OSBPL3: variants seen among roughly 807,000 people sequenced by gnomAD.
OSBPL3 encodes oxysterol-binding protein-related protein 3.
Under a neutral mutation model 120.1 loss-of-function variants are expected in OSBPL3, and 65 were observed. The observed-to-expected ratio is 0.54, with a 90% CI of 0.44 to 0.67. The LOEUF (loss-of-function observed/expected upper bound fraction) is 0.67. Among genes scored for constraint, OSBPL3 ranks in the 30% least tolerant of loss-of-function variants. The pLI, the probability that OSBPL3 is intolerant of heterozygous loss-of-function variation, is 0.00. For synonymous variants in OSBPL3, 416 were observed against 402.6 expected, an observed-to-expected ratio of 1.03 and a Z score of -0.40; for missense variants, 1,004 against 1,082.1, an observed-to-expected ratio of 0.93 and a Z score of 1.01.
rs1342112869 is a variant in OSBPL3, at chr7:24,818,491, G to A, written c.1948+1684C>T. ...TATACTTCTGTAAATCTCACTATAT[G>A]AAACTGGCATAATATTATTTGATGA... is the stretch of plus-strand genomic sequence containing the variant. On this transcript the variant is annotated intron_variant, in intron 17 of 22. Transcript: ENST00000313367. The surrounding 1 kb of genome is among the most constrained non-coding windows in gnomAD (Gnocchi z 4.0). 2.0e-5 allele frequency among the ~76,000 whole-genome samples: 3 copies of A among 152,142 alleles called. No individual in the cohort carries two copies. The highest frequency in any genetic ancestry group is 6.5e-5 in the Admixed American group (1 of 15,274).
chr7:24,904,801 A>G (rs141), intron 1 of OSBPL3, among the ~76,000 whole-genome samples: 67,275 of 151,540 alleles, frequency 0.44, 15,431 homozygotes, highest in East Asian at 0.71. Flanking sequence ...TAAAATAATC[A>G]AATTCATAGA....
rs1814561770 is a variant in OSBPL3, at chr7:24,952,521, T to C, written c.-150+27365A>G. Among the ~76,000 whole-genome samples, 1 of 152,212 alleles carries C rather than the reference T, an allele frequency of 6.6e-6. No individual in the cohort carries two copies. The highest frequency in any genetic ancestry group is 2.4e-5 in the African/African-American group (1 of 41,452). On this transcript the variant is annotated intron_variant, in intron 1 of 22. Transcript: ENST00000313367. This position sits in a 1 kb window ranked among gnomAD's most constrained non-coding sequence, Gnocchi z 4.4. The stretch of plus-strand genomic sequence containing the variant: ...CCTTAAAGAATATCCTGAAATTGGA[T>C]GAAATTTTAGATGTTGCTCTATAAA...
chr7:24,914,531 C>CT (rs537194998), intron 1 of OSBPL3, among the ~76,000 whole-genome samples: 86 of 151,988 alleles, frequency 5.7e-4, no homozygotes, highest in Non-Finnish European at 1.0e-3. Flanking sequence ...TATTTTCTCC[C>CT]TTTTTTTTGT....
chr7:24,923,740 A>C (rs1810699133), intron 1 of OSBPL3, among the ~76,000 whole-genome samples: 4 of 152,206 alleles, frequency 2.6e-5, no homozygotes, highest in Admixed American at 2.6e-4. Context: ...GCAGTGGGGC[A>C]GGCGGGCGGC....
rs67222925 is a variant in OSBPL3, at chr7:24,904,918, GGTGTGTGTGTGTGTGTGTGT to G, written c.-149-12317_-149-12298del. ...TGAAGTGTTCTGATCATAATATACAGGTGTGTGTGTGTGTGTGTGTGTGTGTGTGTGTGTGTGTGTGTGAA... is the reference window on the plus strand; with the variant it reads ...TGAAGTGTTCTGATCATAATATACAGGTGTGTGTGTGTGTGTGTGTGTGAA... On this transcript the variant is annotated intron_variant, in intron 1 of 22. Transcript: ENST00000313367. Among the ~76,000 whole-genome samples the G allele has an allele frequency of 4.5e-5, 6 of 132,946 alleles. No individual in the cohort carries two copies. In the South Asian group the frequency reaches 8.5e-4, roughly 19 times the overall value. 87.2% of individuals were successfully genotyped at this position (132,946 alleles called of 152,430 possible). A position where few individuals can be genotyped will look rare whatever the true frequency, so the allele number is the denominator to read the frequency against.
At position 24,966,307 on chromosome 7, in the gene OSBPL3, T is replaced by C. The variant is rs1816372207; in HGVS notation, c.-150+13579A>G. ...ACCCCTAGCATCTGTCAGACAAAGG[T>C]GTCTTATCTGTGGGTCAGAAAAGGC... On this transcript the variant is annotated intron_variant, in intron 1 of 22. Coordinates refer to ENST00000313367, the MANE Select transcript of OSBPL3 (RefSeq NM_015550.4). This position sits in a 1 kb window ranked among gnomAD's most constrained non-coding sequence, Gnocchi z 4.8. Among the ~76,000 whole-genome samples, 2 of 152,164 alleles carry C rather than the reference T, an allele frequency of 1.3e-5. No individual in the cohort carries two copies. The highest frequency in any genetic ancestry group is 4.1e-4 in the South Asian group (2 of 4,832).
intron 1 of OSBPL3, among the ~76,000 whole-genome samples, chr7:24,969,385 T>C (rs965518253): frequency 2.6e-4 from 40 of 152,326 alleles, no homozygotes; most frequent in African/African-American, 9.6e-4. Flanking sequence ...AAGTAGGTCT[T>C]TGTGATATGC....
At position 24,822,862 on chromosome 7, in the gene OSBPL3, G is replaced by C. The variant is rs1364469277; in HGVS notation, c.1885-2624C>G. Among the ~76,000 whole-genome samples the C allele has an allele frequency of 2.0e-5, 3 of 152,160 alleles. No homozygotes were observed. The highest frequency in any genetic ancestry group is 4.4e-5 in the Non-Finnish European group (3 of 68,034). On this transcript the variant is annotated intron_variant, in intron 16 of 22. Transcript: ENST00000313367. The surrounding 1 kb of genome is among the most constrained non-coding windows in gnomAD (Gnocchi z 5.8). Reference sequence around the variant, plus strand: ...TTAGATAATGAATGAATGTTTAGCAGATTATGTTTAGATGGGTTCAACACA... The same window carrying C: ...TTAGATAATGAATGAATGTTTAGCACATTATGTTTAGATGGGTTCAACACA...
At chr7:24,961,496 G>A (rs542393995) in intron 1 of OSBPL3, among the ~76,000 whole-genome samples, 1 of 152,268 alleles carries the variant, frequency 6.6e-6, no homozygotes, top group South Asian at 2.1e-4. Flanking sequence ...GGTGATTTAA[G>A]AATGGAGCCC....
Position 24,849,372 on chromosome 7 carries a change from A to T in OSBPL3, c.1159-196T>A. ...TTCTGAGATGCCTGGGAGATGACAA[A>T]CCTGGGCTCTGGAAATGATGCTCTT... On this transcript the variant is annotated intron_variant, in intron 11 of 22. Transcript: ENST00000313367. This position sits in a 1 kb window ranked among gnomAD's most constrained non-coding sequence, Gnocchi z 5.4. The T allele has an allele frequency of 4.9e-6, 2 of 405,594 alleles. No homozygotes were observed. The highest frequency in any genetic ancestry group is 6.9e-5 in the South Asian group (2 of 28,974). 25.1% of individuals were successfully genotyped at this position (405,594 alleles called of 1,614,324 possible).
At chr7:24,882,705 GAA>G (rs1338783495) in intron 2 of OSBPL3, among the ~76,000 whole-genome samples, 1 of 152,206 alleles carries the variant, frequency 6.6e-6, no homozygotes, top group African/African-American at 2.4e-5. Context: ...TTGACAGTGT[GAA>G]AGAGTTCCCT....
Position 24,894,735 on chromosome 7 carries a change from GC to G in OSBPL3, c.-149-2115del, listed in dbSNP as rs1805882660. On this transcript the variant is annotated intron_variant, in intron 1 of 22. Transcript: ENST00000313367. The surrounding 1 kb of genome is among the most constrained non-coding windows in gnomAD (Gnocchi z 4.1). ...AGTCTGGGATGAGAGGGGTGTGTGT[GC>G]AATGTAAAGGGAGAGAAACGTGGGC... Among the ~76,000 whole-genome samples the G allele has an allele frequency of 2.0e-5, 3 of 152,296 alleles. No individual in the cohort carries two copies. Among genetic ancestry groups the G allele is most frequent in the African/African-American group, 7.2e-5 (3 of 41,566 alleles).
At position 24,953,346 on chromosome 7, in the gene OSBPL3, C is replaced by CA. The variant is rs748610363; in HGVS notation, c.-150+26539dup. On this transcript the variant is annotated intron_variant, in intron 1 of 22. Transcript: ENST00000313367. This position sits in a 1 kb window ranked among gnomAD's most constrained non-coding sequence, Gnocchi z 4.3. ...AGCAACTCTTCCCTGGGGTTTCTTT[C>CA]AAAAAAAATTATACCAGCAGGTTCT... Among the ~76,000 whole-genome samples, 43 of 151,662 alleles carry CA rather than the reference C, an allele frequency of 2.8e-4. No individual in the cohort carries two copies. In the East Asian group the frequency reaches 7.9e-3, roughly 28 times the overall value.
In OSBPL3 at chr7:24,894,393, T is replaced by C. The variant is rs1251499172; in HGVS notation, c.-149-1772A>G. On this transcript the variant is annotated intron_variant, in intron 1 of 22. Coordinates refer to ENST00000313367, the MANE Select transcript of OSBPL3 (RefSeq NM_015550.4). This position sits in a 1 kb window ranked among gnomAD's most constrained non-coding sequence, Gnocchi z 4.1. ...TTAGCCTTACTGATGGGGGCATGAC[T>C]AGGTGTACCTGAAGTTAGAAGCAAA... Among the ~76,000 whole-genome samples the C allele has an allele frequency of 6.6e-6, 1 of 152,180 alleles. No homozygotes were observed. Among genetic ancestry groups the C allele is most frequent in the African/African-American group, 2.4e-5 (1 of 41,430 alleles).
At chr7:24,845,384 T>TTAAAAAAA (rs1798287457) in intron 12 of OSBPL3, among the ~76,000 whole-genome samples, 2 of 62,264 alleles carry the variant, frequency 3.2e-5, no homozygotes. Flanking sequence ...GCAAAATAAG[T>TTAAAAAAA]AAAAAAAAAA....
At chr7:24,925,735 C>G (rs1810966200) in intron 1 of OSBPL3, among the ~76,000 whole-genome samples, 1 of 152,140 alleles carries the variant, frequency 6.6e-6, no homozygotes. Context: ...CAAGAGAAAA[C>G]CAGGAATAAA....
At chr7:24,868,847 G>A (rs997847434) in intron 5 of OSBPL3, among the ~76,000 whole-genome samples, 14 of 152,174 alleles carry the variant, frequency 9.2e-5, no homozygotes, top group African/African-American at 3.4e-4. Flanking sequence ...TTATAAGTCA[G>A]TGCCCAAGCA....
intron 1 of OSBPL3, among the ~76,000 whole-genome samples, chr7:24,909,592 A>G (rs987771843): frequency 1.3e-5 from 2 of 152,084 alleles, no homozygotes; most frequent in Non-Finnish European, 2.9e-5. Context: ...TATAGCACAA[A>G]TAACATTGGC....
Position 24,877,025 on chromosome 7 carries a change from A to T in OSBPL3, c.97-4956T>A, listed in dbSNP as rs1473018532. On this transcript the variant is annotated intron_variant, in intron 2 of 22. Coordinates refer to ENST00000313367, the MANE Select transcript of OSBPL3 (RefSeq NM_015550.4). The surrounding 1 kb of genome is among the most constrained non-coding windows in gnomAD (Gnocchi z 4.8). Reference sequence around the variant, plus strand: ...TTATTAGTATTCTTTATTTTTTTGCATGTGGAAACTGAGGAAGAGAGAATT... The same window carrying T: ...TTATTAGTATTCTTTATTTTTTTGCTTGTGGAAACTGAGGAAGAGAGAATT... Among the ~76,000 whole-genome samples, 1 of 152,146 alleles carries T rather than the reference A, an allele frequency of 6.6e-6. No homozygotes were observed. Among genetic ancestry groups the T allele is most frequent in the Non-Finnish European group, 1.5e-5 (1 of 68,010 alleles).
Sources: allele counts gnomAD v4.1 joint callset (sites outside exome capture counted in the v4.1 genomes callset), GRCh38; gene constraint gnomAD v4.1.1; non-coding constraint Gnocchi (gnomAD v3.1); transcripts MANE v1.5; gene names NCBI Gene and HGNC (gene_info 2026-07-23, HGNC 2026-07-21).